TAF5L: variants seen among roughly 807,000 people sequenced by gnomAD.
TAF5L encodes TATA-box binding protein associated factor 5 like.
Under a neutral mutation model 51.3 loss-of-function variants are expected in TAF5L, and 7 were observed. The observed-to-expected ratio is 0.14, with a 90% confidence interval of 0.08 to 0.26. The LOEUF (loss-of-function observed/expected upper bound fraction) is 0.26. TAF5L is among the 10% of genes least tolerant of loss of function. The pLI, the probability that TAF5L is intolerant of heterozygous loss-of-function variation, is 1.00. For missense variants in TAF5L, 575 were observed against 758.9 expected (o/e 0.76, Z 2.85); for synonymous variants, 291 against 308.1 (o/e 0.94, Z 0.58).
chr1:229,617,551 C>T (rs1436374437), intron 1 of TAF5L, among the ~76,000 whole-genome samples: 1 of 152,170 alleles, frequency 6.6e-6, no homozygotes, highest in African/African-American at 2.4e-5. Flanking sequence ...GTGAGCATTC[C>T]AGGCAGATGG....
At chr1:229,610,722 T>C (rs1245178676) in intron 2 of TAF5L, among the ~76,000 whole-genome samples, 1 of 152,170 alleles carries the variant, frequency 6.6e-6, no homozygotes, top group Non-Finnish European at 1.5e-5. Context: ...TTTTCTCCTA[T>C]TACTCCATTT....
intron 3 of TAF5L, chr1:229,607,450 G>A (rs1221560445): frequency 1.0e-6 from 1 of 985,272 alleles, no homozygotes; most frequent in African/African-American, 1.7e-5. Context: ...TTCCTGTACA[G>A]TCGTCAAGCC....
chr1:229,614,961 G>A (rs35096257), intron 1 of TAF5L, among the ~76,000 whole-genome samples: 14,738 of 152,264 alleles, frequency 0.097, 954 homozygotes, highest in Non-Finnish European at 0.14. Context: ...ATAAATAGAT[G>A]TTAACAAAGC....
In TAF5L at chr1:229,601,429, T is replaced by G. The variant is rs1009582901; in HGVS notation, c.972+766A>C. 6 of 985,406 alleles carry G rather than the reference T, an allele frequency of 6.1e-6. No homozygotes were observed. The African/African-American group carries it at 1.0e-4, about 17-fold the overall frequency. The allele number at this position is 985,406 out of a possible 1,614,324, so 61.0% of individuals were successfully genotyped here. On this transcript the variant is annotated intron_variant, in intron 4 of 4. Transcript: ENST00000258281. ...TTTTCAGGACCACTCTAAAGAAAAG[T>G]TAATGCTGTGAAGTTTAATTTCTAT...
intron 4 of TAF5L, chr1:229,601,622 C>A: frequency 1.0e-6 from 1 of 986,072 alleles, no homozygotes; most frequent in Non-Finnish European, 1.2e-6. Flanking sequence ...GTTACTTCTC[C>A]AAGTGGGGTC....
chr1:229,611,633 C>T (rs941095880), intron 2 of TAF5L, among the ~76,000 whole-genome samples: 3 of 152,154 alleles, frequency 2.0e-5, no homozygotes, highest in Admixed American at 2.0e-4. Flanking sequence ...CTAAGTCCTA[C>T]AGATTCCTAA....
rs755691299 is a variant in TAF5L, at chr1:229,602,572, C to T, written c.595G>A (p.Val199Met). The change falls in exon 4 of 5, where the codon GTG (valine) becomes ATG (methionine). Residue 199 changes from valine to methionine, a missense_variant. Physicochemically the swap from Val to Met is conservative, Grantham distance 21 (BLOSUM62 1). Transcript: ENST00000258281. The surrounding 1 kb of genome is among the most constrained non-coding windows in gnomAD (Gnocchi z 4.6). ...TAGTCTGTTCTCTTGGCAGGCTGCA[C>T]GTCAAGATGAATATGTAAGGTGAGG... 5 of 1,614,122 alleles carry T rather than the reference C, an allele frequency of 3.1e-6. No individual in the cohort carries two copies. Among genetic ancestry groups the T allele is most frequent in the Admixed American group, 1.7e-5 (1 of 59,996 alleles).
At chr1:229,599,649 C>T (rs1396130185) in intron 4 of TAF5L, 4 of 216,914 alleles carry the variant, frequency 1.8e-5, no homozygotes, top group Non-Finnish European at 1.6e-5. Context: ...TATTCCACTG[C>T]ATGCACACAC....
intron 3 of TAF5L, chr1:229,606,937 G>A (rs1664615523): frequency 1.0e-6 from 1 of 985,378 alleles, no homozygotes; most frequent in East Asian, 1.1e-4. Context: ...TCTTTCCCTA[G>A]TATCTTCCTT....
chr1:229,598,792 G>A (rs1046045978), intron 4 of TAF5L, among the ~76,000 whole-genome samples: 1 of 151,312 alleles, frequency 6.6e-6, no homozygotes, highest in South Asian at 2.1e-4. Flanking sequence ...CCTGCTGCCT[G>A]GGTTCAAGTG....
At position 229,594,209 on chromosome 1, in the gene TAF5L, C is replaced by G; in HGVS notation, c.*88G>C. 1 of 1,406,032 alleles carries G rather than the reference C, an allele frequency of 7.1e-7. No individual in the cohort carries two copies. The highest frequency in any genetic ancestry group is 9.6e-7 in the Non-Finnish European group (1 of 1,039,996). 87.1% of individuals were successfully genotyped at this position (1,406,032 alleles called of 1,614,324 possible). A position where few individuals can be genotyped will look rare whatever the true frequency, so the allele number is the denominator to read the frequency against. The stretch of plus-strand genomic sequence containing the variant: ...GAGAGGGGAGGAGGGGGCTCTTTCA[C>G]AGTCAATGATTCAATCTCAGCTCAT... On this transcript the variant is annotated 3_prime_UTR_variant, in exon 5 of 5. Transcript: ENST00000258281. This position sits in a 1 kb window ranked among gnomAD's most constrained non-coding sequence, Gnocchi z 7.9.
Position 229,594,691 on chromosome 1 carries a change from T to C in TAF5L, c.1376A>G (p.Asn459Ser), listed in dbSNP as rs1664051694. 7.4e-6 allele frequency: 12 copies of C among 1,614,058 alleles called. No individual in the cohort carries two copies. Among genetic ancestry groups the C allele is most frequent in the Non-Finnish European group, 1.0e-5 (12 of 1,180,010 alleles). The change falls in exon 5 of 5, where the codon AAC (asparagine) becomes AGC (serine). Residue 459 changes from asparagine (N) to serine (S), a missense_variant. Around this residue, in one of 3 missense-constraint regions of TAF5L, gnomAD observed 104 missense variants for 218.3 expected, o/e 0.48. Transcript: ENST00000258281. The surrounding 1 kb of genome is among the most constrained non-coding windows in gnomAD (Gnocchi z 7.9). ...GTGGCCTGTGAAAAGCCTCACCGAG[T>C]TCCCCTGCTGAGCGCTCCACAGCCG...
chr1:229,597,974 A>G (rs1287495501), intron 4 of TAF5L, among the ~76,000 whole-genome samples: 1 of 152,170 alleles, frequency 6.6e-6, no homozygotes, highest in Non-Finnish European at 1.5e-5. Flanking sequence ...TCTGGAATTT[A>G]GCCTCCATCT....
chr1:229,602,372 A>G lies in TAF5L; in HGVS notation c.795T>C (p.Tyr265=). 6.2e-7 allele frequency: 1 copy of G among 1,614,172 alleles called. No individual in the cohort carries two copies. Reference sequence around the variant, plus strand: ...CAGTGTTCAACAGCTGCTCTGTGTTATAGAAGGCATAGAAGCAGATGGTAG... The same window carrying G: ...CAGTGTTCAACAGCTGCTCTGTGTTGTAGAAGGCATAGAAGCAGATGGTAG... Residue 265 remains tyrosine, a synonymous_variant, in exon 4 of 5, where the codon TAT becomes TAC. Coordinates refer to ENST00000258281, the Ensembl canonical transcript of TAF5L. This position sits in a 1 kb window ranked among gnomAD's most constrained non-coding sequence, Gnocchi z 4.6.
chr1:229,594,698 G>C lies in TAF5L; in HGVS notation c.1369C>G (p.Gln457Glu), dbSNP rs749915584. 19 of 1,614,196 alleles carry C rather than the reference G, an allele frequency of 1.2e-5. No homozygotes were observed. In the South Asian group the frequency reaches 2.0e-4, roughly 17 times the overall value. Residue 457 changes from glutamine to glutamate, a missense_variant, in exon 5 of 5, where the codon CAG becomes GAG. This residue lies in a region of TAF5L where 104 missense variants were observed against 218.3 expected (regional missense o/e 0.48). Transcript: ENST00000258281. The surrounding 1 kb of genome is among the most constrained non-coding windows in gnomAD (Gnocchi z 7.9). ...GTGAAAAGCCTCACCGAGTTCCCCTGCTGAGCGCTCCACAGCCGGACGGTC... is the reference window on the plus strand; with the variant it reads ...GTGAAAAGCCTCACCGAGTTCCCCTCCTGAGCGCTCCACAGCCGGACGGTC...
chr1:229,598,073 G>A (rs1664194186), intron 4 of TAF5L, among the ~76,000 whole-genome samples: 1 of 152,232 alleles, frequency 6.6e-6, no homozygotes, highest in Admixed American at 6.5e-5. Flanking sequence ...GTGAATCACT[G>A]CTATCTACGT....
chr1:229,614,334 C>G lies in TAF5L; in HGVS notation c.142+7G>C. On this transcript the variant is annotated splice_region_variant and intron_variant, in intron 2 of 4. Transcript: ENST00000258281. Reference sequence around the variant, plus strand: ...GCTCACCCCACCAGACGAGCCCCCACCATTACCTGTTAGATTGGCCGCCAT... The same window carrying G: ...GCTCACCCCACCAGACGAGCCCCCAGCATTACCTGTTAGATTGGCCGCCAT... The G allele has an allele frequency of 6.2e-7, 1 of 1,614,236 alleles. No individual in the cohort carries two copies. Among genetic ancestry groups the G allele is most frequent in the Non-Finnish European group, 8.5e-7 (1 of 1,180,040 alleles).
Position 229,615,364 on chromosome 1 carries a change from G to GCCACC in TAF5L, c.-3-880_-3-879insGGTGG, listed in dbSNP as rs1233792723. On this transcript the variant is annotated intron_variant, in intron 1 of 4. Coordinates refer to ENST00000258281, the Ensembl canonical transcript of TAF5L. Reference sequence around the variant, plus strand: ...GGCCTCTCAAAGTGCTGGGATTACAGGCGTGAGCCACCGCGCCTGGCCGTG... The same window carrying GCCACC: ...GGCCTCTCAAAGTGCTGGGATTACAGCCACCGCGTGAGCCACCGCGCCTGGCCGTG... 3.8e-3 allele frequency among the ~76,000 whole-genome samples: 578 copies of GCCACC among 152,288 alleles called. 6 individuals are homozygous for GCCACC. The highest frequency in any genetic ancestry group is 0.013 in the African/African-American group (549 of 41,542).
Position 229,595,000 on chromosome 1 carries a change from C to T in TAF5L, c.1067G>A (p.Gly356Glu). ...CATGTCTTCAGAACAAGAGAGCAAC[C>T]CTGAGCTGTCCGCGAGGAACCTCGT... is the stretch of plus-strand genomic sequence containing the variant. Residue 356 changes from glycine (G) to glutamate (E), a missense_variant, in exon 5 of 5, where the codon GGG becomes GAG. Physicochemically the swap from Gly to Glu is moderately conservative, Grantham distance 98 (BLOSUM62 -2). Around this residue, in one of 3 missense-constraint regions of TAF5L, gnomAD observed 104 missense variants for 218.3 expected, o/e 0.48. Transcript: ENST00000258281. The surrounding 1 kb of genome is among the most constrained non-coding windows in gnomAD (Gnocchi z 7.9). The T allele has an allele frequency of 6.2e-7, 1 of 1,614,194 alleles. No homozygotes were observed.
Sources: allele counts gnomAD v4.1 joint callset (sites outside exome capture counted in the v4.1 genomes callset), GRCh38; gene constraint gnomAD v4.1.1; regional missense constraint gnomAD v4.1.1; non-coding constraint Gnocchi (gnomAD v3.1); transcripts MANE v1.5; gene names NCBI Gene and HGNC (gene_info 2026-07-23, HGNC 2026-07-21).